Variants in PTPRN2 observed in about 807,000 individuals in gnomAD.
PTPRN2 encodes protein tyrosine phosphatase receptor type N2.
PTPRN2 carries 74 observed loss-of-function variants against 118.8 expected under a neutral mutation model. The observed-to-expected ratio is 0.62, with a 90% CI of 0.52 to 0.76. The LOEUF (loss-of-function observed/expected upper bound fraction) is 0.76, where lower values mean the gene tolerates loss of function less well. Ranked by LOEUF, PTPRN2 falls within the 30% of genes least tolerant of loss-of-function variation. The probability of loss-of-function intolerance (pLI) is 0.00; values close to 1 mark genes in which losing one functional copy is unlikely to be tolerated. For synonymous variants in PTPRN2, 641 were observed against 608.0 expected (o/e 1.05, Z -0.80); for missense variants, 1,481 against 1,394.4 (o/e 1.06, Z -0.99).
intron 2 of PTPRN2, among the ~76,000 whole-genome samples, chr7:158,464,489 C>T (rs1346363624): frequency 6.9e-6 from 1 of 145,910 alleles, no homozygotes; most frequent in Non-Finnish European, 1.5e-5. Flanking sequence ...CATTGCCATG[C>T]CATTTAATAA....
chr7:158,237,856 G>A (rs1193315855), intron 3 of PTPRN2, among the ~76,000 whole-genome samples: 8 of 152,086 alleles, frequency 5.3e-5, no homozygotes, highest in Non-Finnish European at 8.8e-5. Flanking sequence ...CAGACACAGC[G>A]CTTACATGGG....
intron 2 of PTPRN2, among the ~76,000 whole-genome samples, chr7:158,331,603 CAGAGGTCACTTACAG>C (rs1804465953): frequency 7.0e-6 from 1 of 142,544 alleles, no homozygotes; most frequent in African/African-American, 2.8e-5. Context: ...CTGAGGACCA[CAGAGGTCACTTACAG>C]CCATACTCTC....
chr7:157,595,837 A>C (rs766498278), intron 16 of PTPRN2, among the ~76,000 whole-genome samples: 1 of 152,220 alleles, frequency 6.6e-6, no homozygotes, highest in Non-Finnish European at 1.5e-5. Flanking sequence ...TTGAGCCTGA[A>C]CCACTGCGTC....
intron 12 of PTPRN2, among the ~76,000 whole-genome samples, chr7:157,713,013 C>T (rs1279058221): frequency 2.6e-5 from 4 of 152,186 alleles, no homozygotes; most frequent in Non-Finnish European, 5.9e-5. Context: ...AGGGCGGCCT[C>T]GGGCAGCTCA....
chr7:158,288,661 A>G (rs548954661), intron 3 of PTPRN2, among the ~76,000 whole-genome samples: 3 of 152,318 alleles, frequency 2.0e-5, no homozygotes, highest in East Asian at 3.9e-4. Flanking sequence ...CATAGCTATC[A>G]CTGTGATAGT....
chr7:158,494,350 C>T (rs751595905), intron 1 of PTPRN2, among the ~76,000 whole-genome samples: 1 of 152,254 alleles, frequency 6.6e-6, no homozygotes, highest in Admixed American at 6.5e-5. Flanking sequence ...TCAGGCTTCT[C>T]GCCTGACTGC....
chr7:158,244,621 GTGTTTTGTGTGAGCTGACTTGTGAT>G (rs1796084055), intron 3 of PTPRN2, among the ~76,000 whole-genome samples: 1 of 151,468 alleles, frequency 6.6e-6, no homozygotes, highest in Non-Finnish European at 1.5e-5. Context: ...AGCTATGTAT[GTGTTTTGTGTGAGCTGACTTGTGAT>G]TGTTTTGTGT....
chr7:157,643,661 G>T (rs1315960181), intron 14 of PTPRN2, among the ~76,000 whole-genome samples: 1 of 152,220 alleles, frequency 6.6e-6, no homozygotes, highest in Non-Finnish European at 1.5e-5. Context: ...AGCCGCTGCT[G>T]CCTCCAGCCT....
chr7:158,491,752 A>G (rs180839768), intron 1 of PTPRN2, among the ~76,000 whole-genome samples: 1 of 152,272 alleles, frequency 6.6e-6, no homozygotes, highest in African/African-American at 2.4e-5. Flanking sequence ...GGCCTCCCAA[A>G]GTGCTGGGAT....
intron 10 of PTPRN2, among the ~76,000 whole-genome samples, chr7:158,104,940 A>C (rs1229198362): frequency 6.9e-6 from 1 of 145,980 alleles, no homozygotes; most frequent in African/African-American, 2.6e-5. Context: ...ATCAAACTCC[A>C]TCCCAGCTCC....
At chr7:158,542,314 C>A (rs1428530029) in intron 1 of PTPRN2, among the ~76,000 whole-genome samples, 1 of 152,202 alleles carries the variant, frequency 6.6e-6, no homozygotes, top group Non-Finnish European at 1.5e-5. Flanking sequence ...CCATGCCCAG[C>A]TAATTTTTTT....
At chr7:157,740,780 C>A (rs1278126365) in intron 12 of PTPRN2, among the ~76,000 whole-genome samples, 2 of 152,204 alleles carry the variant, frequency 1.3e-5, no homozygotes, top group African/African-American at 4.8e-5. Flanking sequence ...GGAATCACCT[C>A]AGTGCCCCTG....
At chr7:157,920,411 G>C (rs1798634915) in intron 11 of PTPRN2, among the ~76,000 whole-genome samples, 2 of 152,158 alleles carry the variant, frequency 1.3e-5, no homozygotes, top group African/African-American at 4.8e-5. Context: ...CAGTTTACAA[G>C]GACACGCTTG....
chr7:158,402,473 G>A (rs892043292), intron 2 of PTPRN2, among the ~76,000 whole-genome samples: 2 of 152,144 alleles, frequency 1.3e-5, no homozygotes, highest in Non-Finnish European at 1.5e-5. Context: ...CTGAATTTAC[G>A]TTGGTGGGAG....
At chr7:158,497,747 G>A (rs1055647748) in intron 1 of PTPRN2, among the ~76,000 whole-genome samples, 10 of 152,334 alleles carry the variant, frequency 6.6e-5, no homozygotes, top group East Asian at 3.9e-4. Context: ...GGAGCTGACC[G>A]CTGGCAAGTT....
At chr7:158,441,514 G>GTGGCAGTGGTGGTGATAGTGATGGTCA (rs1817210362) in intron 2 of PTPRN2, among the ~76,000 whole-genome samples, 1 of 141,384 alleles carries the variant, frequency 7.1e-6, no homozygotes, top group African/African-American at 3.1e-5. Flanking sequence ...GATGGCAGTG[G>GTGGCAGTGGTGGTGATAGTGATGGTCA]TGGCAGTGGT....
At chr7:158,512,609 C>CA (rs1429647502) in intron 1 of PTPRN2, among the ~76,000 whole-genome samples, 1 of 152,304 alleles carries the variant, frequency 6.6e-6, no homozygotes, top group East Asian at 1.9e-4. Flanking sequence ...ACATGTCCTA[C>CA]AGGCAAGGAC....
At chr7:158,301,932 A>G (rs1256419714) in intron 3 of PTPRN2, among the ~76,000 whole-genome samples, 2 of 152,214 alleles carry the variant, frequency 1.3e-5, no homozygotes, top group Admixed American at 6.5e-5. Context: ...CCTGGGCAAT[A>G]GAGTAAGAGC....
intron 1 of PTPRN2, among the ~76,000 whole-genome samples, chr7:158,571,139 T>C (rs1828007051): frequency 6.6e-6 from 1 of 152,244 alleles, no homozygotes; most frequent in African/African-American, 2.4e-5. Context: ...TTTGTTTTTG[T>C]TTTTGCTTAT....
Sources: gnomAD v4.1 joint callset for allele counts (sites outside exome capture counted in the v4.1 genomes callset) on GRCh38, gnomAD v4.1.1 for gene constraint, MANE v1.5 for transcripts, NCBI Gene and HGNC (gene_info 2026-07-23, HGNC 2026-07-21) for gene names.